BEST4: variants seen among roughly 807,000 people sequenced by gnomAD.
BEST4 encodes bestrophin 4.
A neutral mutation model predicts 47.1 loss-of-function variants in BEST4; 36 were observed. That is an observed-to-expected ratio of 0.76 (90% CI 0.59 to 1.01). The LOEUF is 1.01. Among genes scored for constraint, BEST4 ranks in the 50% least tolerant of loss-of-function variants. The probability of loss-of-function intolerance (pLI) is 0.00; values close to 1 mark genes in which losing one functional copy is unlikely to be tolerated. For synonymous variants in BEST4, 250 were observed against 277.8 expected, an observed-to-expected ratio of 0.90 and a Z score of 1.00; for missense variants, 550 against 648.6, an observed-to-expected ratio of 0.85 and a Z score of 1.65.
upstream of BEST4, among the ~76,000 whole-genome samples, chr1:44,788,485 CACTG>C (rs1370324285): frequency 1.3e-5 from 2 of 152,224 alleles, no homozygotes; most frequent in African/African-American, 4.8e-5. Context: ...GATCACAGAG[CACTG>C]ACTAAGTGAC....
chr1:44,791,227 AGAGTATG>A (rs1173621055), upstream of BEST4, among the ~76,000 whole-genome samples: 2 of 142,690 alleles, frequency 1.4e-5, no homozygotes, highest in African/African-American at 5.4e-5. Context: ...AGAGAGAGAG[AGAGTATG>A]TGTGTGTGTG....
Position 44,786,619 on chromosome 1 carries a change from C to T in BEST4, c.325G>A (p.Val109Ile). ...SIPLPDQLMC[V>I]ISASVHGVDQ... ...ACGCCGTGCACGCTAGCCGAGATGA[C>T]GCACATCAGCTGGTCTGGCAGCGGG... The change falls in exon 3 of 9, where the codon GTC (valine) becomes ATC (isoleucine). Residue 109 changes from valine (V) to isoleucine (I), a missense_variant. Physicochemically the swap from Val to Ile is conservative, Grantham distance 29. This residue lies in a region of BEST4 where 291 missense variants were observed against 342.4 expected (regional missense o/e 0.85). Transcript: ENST00000372207. The surrounding 1 kb of genome is among the most constrained non-coding windows in gnomAD (Gnocchi z 4.9). 6.4e-7 allele frequency: 1 copy of T among 1,551,508 alleles called. No individual in the cohort carries two copies. The highest frequency in any genetic ancestry group is 2.4e-5 in the East Asian group (1 of 40,928).
At chr1:44,787,168 G>C (rs1360809316) in intron 2 of BEST4, among the ~76,000 whole-genome samples, 1 of 103,752 alleles carries the variant, frequency 9.6e-6, no homozygotes, top group Non-Finnish European at 1.9e-5. Context: ...TTTTTTTTTA[G>C]CAGAGTCTCG....
At chr1:44,787,340 G>T in intron 2 of BEST4, 32 bp downstream of exon 2, 1 of 1,608,608 alleles carries the variant, frequency 6.2e-7, no homozygotes, top group East Asian at 2.2e-5. Context: ...CACAGTAAGG[G>T]GGACACAGGG....
Position 44,784,572 on chromosome 1 carries a change from C to A in BEST4, c.1148+57G>T. 1 of 1,561,200 alleles carries A rather than the reference C, an allele frequency of 6.4e-7. No individual in the cohort carries two copies. Among genetic ancestry groups the A allele is most frequent in the Non-Finnish European group, 8.7e-7 (1 of 1,155,244 alleles). On this transcript the variant is annotated intron_variant, in intron 8 of 8. Coordinates refer to ENST00000372207, the MANE Select transcript of BEST4 (RefSeq NM_153274.3). This position sits in a 1 kb window ranked among gnomAD's most constrained non-coding sequence, Gnocchi z 6.2. ...TCGGGGAAGGACCGAGGCATCGGTGCCCCAGAGGCTGAGCGAGGACCCGCG... is the reference window on the plus strand; with the variant it reads ...TCGGGGAAGGACCGAGGCATCGGTGACCCAGAGGCTGAGCGAGGACCCGCG...
chr1:44,790,787 CTA>C (rs1446711603), upstream of BEST4, among the ~76,000 whole-genome samples: 1 of 150,638 alleles, frequency 6.6e-6, no homozygotes, highest in Non-Finnish European at 1.5e-5. Context: ...TGGTGTGTGC[CTA>C]TAGTCCAGGT....
In BEST4 at chr1:44,783,940, A is replaced by G. The variant is rs1162005484; in HGVS notation, c.*270T>C. Reference sequence around the variant, plus strand: ...CCTGTTGCTGTGAAGCTAACCGTGCACCTGGGCTCTAGTCCTCTATGCCTG... The same window carrying G: ...CCTGTTGCTGTGAAGCTAACCGTGCGCCTGGGCTCTAGTCCTCTATGCCTG... On this transcript the variant is annotated 3_prime_UTR_variant, in exon 9 of 9. Transcript: ENST00000372207. 2.7e-6 allele frequency: 1 copy of G among 364,002 alleles called. No individual in the cohort carries two copies. Among genetic ancestry groups the G allele is most frequent in the Non-Finnish European group, 4.9e-6 (1 of 204,506 alleles). The allele number at this position is 364,002 out of a possible 1,614,324, so 22.5% of individuals were successfully genotyped here. A position where few individuals can be genotyped will look rare whatever the true frequency, so the allele number is the denominator to read the frequency against.
Position 44,786,414 on chromosome 1 carries a change from G to T in BEST4, c.481+49C>A. On this transcript the variant is annotated intron_variant, in intron 3 of 8. Coordinates refer to ENST00000372207, the MANE Select transcript of BEST4 (RefSeq NM_153274.3). The surrounding 1 kb of genome is among the most constrained non-coding windows in gnomAD (Gnocchi z 4.9). ...CCCAGGACTCTCCCAGGCGCCACCTGCATCCGGCTGTGGGCCGGACCCCCA... is the reference window on the plus strand; with the variant it reads ...CCCAGGACTCTCCCAGGCGCCACCTTCATCCGGCTGTGGGCCGGACCCCCA... 2.1e-6 allele frequency: 3 copies of T among 1,457,154 alleles called. No homozygotes were observed. Among genetic ancestry groups the T allele is most frequent in the Non-Finnish European group, 1.8e-6 (2 of 1,099,760 alleles). 90.3% of individuals were successfully genotyped at this position (1,457,154 alleles called of 1,614,324 possible). A position where few individuals can be genotyped will look rare whatever the true frequency, so the allele number is the denominator to read the frequency against.
Position 44,787,845 on chromosome 1 carries a change from G to A in BEST4, c.-140C>T. On this transcript the variant is annotated 5_prime_UTR_variant, in exon 1 of 9. Transcript: ENST00000372207. ...TCAGTGGACAAGGGGGTAGGAGCCT[G>A]CAGAGCAGAAAAGTACACCCCACCC... 1.9e-6 allele frequency: 2 copies of A among 1,033,216 alleles called. No homozygotes were observed. The highest frequency in any genetic ancestry group is 1.4e-6 in the Non-Finnish European group (1 of 715,806). 64.0% of individuals were successfully genotyped at this position (1,033,216 alleles called of 1,614,324 possible). A position where few individuals can be genotyped will look rare whatever the true frequency, so the allele number is the denominator to read the frequency against.
Position 44,783,849 on chromosome 1 carries a change from ACT to A in BEST4, c.*359_*360del, listed in dbSNP as rs1242915080. On this transcript the variant is annotated 3_prime_UTR_variant, in exon 9 of 9. Transcript: ENST00000372207. ...AGAAATGCTGGGAGTGGTGCCCAGC[ACT>A]CTTTTGACAAGACCTTCCGTGATGC... 1 of 193,932 alleles carries A rather than the reference ACT, an allele frequency of 5.2e-6. No homozygotes were observed. The highest frequency in any genetic ancestry group is 1.0e-5 in the Non-Finnish European group (1 of 96,256). 12.0% of individuals were successfully genotyped at this position (193,932 alleles called of 1,614,324 possible). A position where few individuals can be genotyped will look rare whatever the true frequency, so the allele number is the denominator to read the frequency against.
chr1:44,787,522 C>A, intron 1 of BEST4, 32 bp downstream of exon 1: 3 of 1,614,112 alleles, frequency 1.9e-6, no homozygotes, highest in Non-Finnish European at 1.7e-6. Flanking sequence ...CCAGTCTCCC[C>A]ACTTGCGCCA....
rs138819993 is a variant in BEST4 at position 44,784,739 on chromosome 1, G to A, written c.1038C>T (p.Pro346=). 6.2e-7 allele frequency: 1 copy of A among 1,602,032 alleles called. No homozygotes were observed. ...SVDEMYQNLP[P]AEKDQYWDED... is the part of the protein sequence containing the mutation. ...CATCCCAGTACTGGTCCTTCTCAGC[G>A]GGGGGAAGGTTCTGGTACATTTCGT... is the stretch of plus-strand genomic sequence containing the variant. The change falls in exon 8 of 9, where the codon CCC becomes CCT. Residue 346 remains proline, a synonymous_variant. Coordinates refer to ENST00000372207, the MANE Select transcript of BEST4 (RefSeq NM_153274.3). This position sits in a 1 kb window ranked among gnomAD's most constrained non-coding sequence, Gnocchi z 6.2.
In BEST4 at chr1:44,785,726, G is replaced by C. The variant is rs1299779703; in HGVS notation, c.637-50C>G. On this transcript the variant is annotated intron_variant, in intron 4 of 8. Coordinates refer to ENST00000372207, the MANE Select transcript of BEST4 (RefSeq NM_153274.3). The stretch of plus-strand genomic sequence containing the variant: ...GTCAGCAGAGGTGAGGAAGGAACAG[G>C]GGTGCCCAGCACAAACTAGGCCTGG... The C allele has an allele frequency of 2.4e-5, 35 of 1,485,910 alleles. No homozygotes were observed. In the East Asian group the frequency reaches 8.1e-4, roughly 35 times the overall value. 92.0% of individuals were successfully genotyped at this position (1,485,910 alleles called of 1,614,324 possible). A position where few individuals can be genotyped will look rare whatever the true frequency, so the allele number is the denominator to read the frequency against.
downstream of BEST4, among the ~76,000 whole-genome samples, chr1:44,782,693 A>G (rs1280509112): frequency 6.6e-6 from 1 of 152,138 alleles, no homozygotes; most frequent in East Asian, 1.9e-4. Flanking sequence ...TATCCCATGG[A>G]CATACAGATG....
downstream of BEST4, among the ~76,000 whole-genome samples, chr1:44,782,249 A>AC (rs1651062333): frequency 1.3e-5 from 2 of 152,020 alleles, no homozygotes; most frequent in African/African-American, 4.8e-5. Flanking sequence ...AAAAAAAAAA[A>AC]ACCTCAAATA....
In BEST4 at chr1:44,787,000, G is replaced by T. The variant is rs1193421789; in HGVS notation, c.248-304C>A. Among the ~76,000 whole-genome samples the T allele has an allele frequency of 6.6e-6, 1 of 152,174 alleles. No homozygotes were observed. Among genetic ancestry groups the T allele is most frequent in the African/African-American group, 2.4e-5 (1 of 41,426 alleles). On this transcript the variant is annotated intron_variant, in intron 2 of 8. Transcript: ENST00000372207. The surrounding 1 kb of genome is among the most constrained non-coding windows in gnomAD (Gnocchi z 4.9). ...CAGGGTGGGCTTGTGAGGCCAGCAG[G>T]TGTCTTGTGCCTTGCTGGAAGTGAG... is the stretch of plus-strand genomic sequence containing the variant.
At chr1:44,785,757 G>A (rs1479076509) in intron 4 of BEST4, 81 bp from the exon 5 acceptor site, 1 of 1,220,612 alleles carries the variant, frequency 8.2e-7, no homozygotes. Context: ...CCTGGGCCTG[G>A]CCAGGAGGCT....
chr1:44,783,991 G>C lies in BEST4; in HGVS notation c.*219C>G, dbSNP rs1289356185. The C allele has an allele frequency of 4.5e-6, 2 of 446,428 alleles. No individual in the cohort carries two copies. Among genetic ancestry groups the C allele is most frequent in the African/African-American group, 4.1e-5 (2 of 48,864 alleles). 27.7% of individuals were successfully genotyped at this position (446,428 alleles called of 1,614,324 possible). A position where few individuals can be genotyped will look rare whatever the true frequency, so the allele number is the denominator to read the frequency against. On this transcript the variant is annotated 3_prime_UTR_variant, in exon 9 of 9. Transcript: ENST00000372207. ...GGCTCATTTATTTTTCTAGCTTCAC[G>C]TCCCCCAAGCAACCGACCTTCTCTC...
Position 44,784,273 on chromosome 1 carries a change from G to C in BEST4, c.1359C>G (p.Pro453=), listed in dbSNP as rs903756821. 1 of 1,438,196 alleles carries C rather than the reference G, an allele frequency of 7.0e-7. No homozygotes were observed. Among genetic ancestry groups the C allele is most frequent in the South Asian group, 1.4e-5 (1 of 70,900 alleles). The allele number at this position is 1,438,196 out of a possible 1,614,324, so 89.1% of individuals were successfully genotyped here. ...CCTCCTCGATGCGGGCTGCGGCCTCGGGGTCGCCGCCCTCCTCCGCCCGGA... is the reference window on the plus strand; with the variant it reads ...CCTCCTCGATGCGGGCTGCGGCCTCCGGGTCGCCGCCCTCCTCCGCCCGGA... ...LRFRAEEGGD[P]EAAARIEEES... Residue 453 remains proline, a synonymous_variant, in exon 9 of 9, where the codon CCC becomes CCG. Transcript: ENST00000372207. This position sits in a 1 kb window ranked among gnomAD's most constrained non-coding sequence, Gnocchi z 6.2.
Sources: gnomAD v4.1 joint callset for allele counts (sites outside exome capture counted in the v4.1 genomes callset) on GRCh38, gnomAD v4.1.1 for gene constraint, gnomAD v4.1.1 regional missense constraint, Gnocchi (gnomAD v3.1) non-coding constraint, MANE v1.5 for transcripts, NCBI Gene and HGNC (gene_info 2026-07-23, HGNC 2026-07-21) for gene names.